CSMD2: variants seen among roughly 807,000 people sequenced by gnomAD.
The protein encoded by CSMD2 is CUB and sushi domain-containing protein 2.
In CSMD2, 130 loss-of-function variants were observed where a neutral mutation model predicts 398.5. That is an observed-to-expected ratio of 0.33 (90% confidence interval 0.28 to 0.38). The LOEUF is 0.38. Among genes scored for constraint, CSMD2 ranks in the 10% least tolerant of loss-of-function variants. The pLI, the probability that CSMD2 is intolerant of heterozygous loss-of-function variation, is 1.00. For missense variants in CSMD2, 3,829 were observed against 4,764.9 expected, an observed-to-expected ratio of 0.80 and a Z score of 5.78; for synonymous variants, 1,828 against 1,908.5, an observed-to-expected ratio of 0.96 and a Z score of 1.10.
At chr1:33,542,590 T>C in intron 58 of CSMD2, 130 bp downstream of exon 58, 1 of 752,410 alleles carries the variant, frequency 1.3e-6, no homozygotes, top group East Asian at 2.8e-5. Context: ...GCTATTCATA[T>C]GATTATCGTT....
chr1:33,679,139 T>C (rs986321682), intron 25 of CSMD2, among the ~76,000 whole-genome samples: 3 of 151,598 alleles, frequency 2.0e-5, no homozygotes, highest in Admixed American at 6.6e-5. Flanking sequence ...TTGGAAGAAA[T>C]GTTTCCATAA....
intron 5 of CSMD2, among the ~76,000 whole-genome samples, chr1:33,852,272 T>C (rs1028413347): frequency 6.6e-6 from 1 of 152,248 alleles, no homozygotes; most frequent in African/African-American, 2.4e-5. Context: ...CTCTGATCGA[T>C]CTTCCATACT....
chr1:33,581,901 G>A (rs1638755703), intron 47 of CSMD2, among the ~76,000 whole-genome samples: 1 of 152,162 alleles, frequency 6.6e-6, no homozygotes, highest in Non-Finnish European at 1.5e-5. Flanking sequence ...ATTAAACAAA[G>A]TAGAGTCACC....
At chr1:33,720,856 G>T (rs1016957516) in intron 19 of CSMD2, among the ~76,000 whole-genome samples, 1 of 151,918 alleles carries the variant, frequency 6.6e-6, no homozygotes, top group Non-Finnish European at 1.5e-5. Context: ...TGCCACCCCC[G>T]CCAAATAATT....
intron 2 of CSMD2, among the ~76,000 whole-genome samples, chr1:34,050,588 C>T (rs554180085): frequency 6.6e-4 from 100 of 152,270 alleles, no homozygotes; most frequent in Non-Finnish European, 1.1e-3. Flanking sequence ...TACCTTGCAG[C>T]GCTGGGACAA....
At position 33,541,277 on chromosome 1, in the gene CSMD2, T is replaced by C; in HGVS notation, c.9310A>G (p.Asn3104Asp). The stretch of plus-strand genomic sequence containing the variant: ...AAGTCATTGCCCAGCCGAAGGCCAT[T>C]GGCTGGAATCCCAGGGTCACCACAG... ...INCGDPGIPANGLRLGNDFRY... is the reference protein window; with the variant it reads ...INCGDPGIPADGLRLGNDFRY... The change falls in exon 59 of 71, where the codon AAT becomes GAT. Residue 3104 changes from asparagine (N) to aspartate (D), a missense_variant. This residue lies in a region of CSMD2 where 917 missense variants were observed against 1,199.5 expected (regional missense o/e 0.76). Transcript: ENST00000373381. The C allele has an allele frequency of 6.2e-7, 1 of 1,614,082 alleles. No individual in the cohort carries two copies. Among genetic ancestry groups the C allele is most frequent in the Non-Finnish European group, 8.5e-7 (1 of 1,179,968 alleles).
At chr1:33,925,231 G>A (rs895191886) in intron 4 of CSMD2, among the ~76,000 whole-genome samples, 2 of 152,114 alleles carry the variant, frequency 1.3e-5, no homozygotes, top group Non-Finnish European at 2.9e-5. Flanking sequence ...TTTGTATATG[G>A]TGAGAGATGG....
intron 62 of CSMD2, among the ~76,000 whole-genome samples, chr1:33,534,520 C>T (rs1448408060): frequency 6.6e-6 from 1 of 152,132 alleles, no homozygotes; most frequent in Non-Finnish European, 1.5e-5. Context: ...CTCCACCAGC[C>T]CCTCACTGTA....
At chr1:34,008,166 G>A (rs12085816) in intron 3 of CSMD2, among the ~76,000 whole-genome samples, 37,094 of 152,160 alleles carry the variant, frequency 0.24, 5,352 homozygotes, top group Non-Finnish European at 0.32. Flanking sequence ...TAAAACCACA[G>A]ACGTGCTCCA....
chr1:34,088,598 C>A (rs535204247), intron 2 of CSMD2, among the ~76,000 whole-genome samples: 7 of 152,360 alleles, frequency 4.6e-5, no homozygotes, highest in African/African-American at 1.7e-4. Context: ...GTTTCAAATA[C>A]TGTGACGCAA....
chr1:33,735,919 AG>A (rs1646871289), intron 15 of CSMD2, among the ~76,000 whole-genome samples: 1 of 152,328 alleles, frequency 6.6e-6, no homozygotes, highest in African/African-American at 2.4e-5. Flanking sequence ...GGAGCCAAGA[AG>A]GGACAGGTTC....
chr1:34,110,727 A>G (rs774522336), intron 1 of CSMD2, among the ~76,000 whole-genome samples: 2 of 152,110 alleles, frequency 1.3e-5, no homozygotes, highest in Non-Finnish European at 2.9e-5. Context: ...CGAGCAACAT[A>G]CACGAGGGAC....
At chr1:33,674,441 C>T (rs1358317468) in intron 25 of CSMD2, among the ~76,000 whole-genome samples, 1 of 152,084 alleles carries the variant, frequency 6.6e-6, no homozygotes, top group Non-Finnish European at 1.5e-5. Context: ...AATACAGGAG[C>T]ACCCAGATTC....
rs773320276 is a variant in CSMD2 at position 33,633,034 on chromosome 1, T to C, written c.5200+388A>G. On this transcript the variant is annotated intron_variant, in intron 32 of 70. Coordinates refer to ENST00000373381, the MANE Select transcript of CSMD2 (RefSeq NM_001281956.2). This position sits in a 1 kb window ranked among gnomAD's most constrained non-coding sequence, Gnocchi z 5.0. Reference sequence around the variant, plus strand: ...ATACAAAGACTGGAAGGAAATCCACTACATCTTGTCAGTGGCTCTTTCGGG... The same window carrying C: ...ATACAAAGACTGGAAGGAAATCCACCACATCTTGTCAGTGGCTCTTTCGGG... Among the ~76,000 whole-genome samples the C allele has an allele frequency of 1.7e-4, 26 of 152,248 alleles. No homozygotes were observed. The highest frequency in any genetic ancestry group is 3.1e-4 in the Non-Finnish European group (21 of 68,034).
chr1:34,037,373 G>A (rs188504719), intron 2 of CSMD2, among the ~76,000 whole-genome samples: 41 of 152,264 alleles, frequency 2.7e-4, no homozygotes, highest in African/African-American at 9.4e-4. Flanking sequence ...CAGGGCCCCC[G>A]TTAGCCTATT....
At chr1:33,812,781 A>G (rs965456061) in intron 9 of CSMD2, among the ~76,000 whole-genome samples, 1 of 152,220 alleles carries the variant, frequency 6.6e-6, no homozygotes, top group East Asian at 1.9e-4. Flanking sequence ...GATGTGGTCA[A>G]TATTCAACCT....
In CSMD2 at chr1:33,626,579, C is replaced by G; in HGVS notation, c.5203G>C (p.Glu1735Gln). The G allele has an allele frequency of 6.3e-7, 1 of 1,596,470 alleles. No homozygotes were observed. The highest frequency in any genetic ancestry group is 8.5e-7 in the Non-Finnish European group (1 of 1,171,878). ...LSSLSGSHTGESLPLATSNQV... is the reference protein window; with the variant it reads ...LSSLSGSHTGQSLPLATSNQV... ...TTGGAGGTGGCCAAGGGCAGTGATTCTCCTGCCGAGATAAGGGGCAAGGAG... is the reference window on the plus strand; with the variant it reads ...TTGGAGGTGGCCAAGGGCAGTGATTGTCCTGCCGAGATAAGGGGCAAGGAG... Residue 1735 changes from glutamate (E) to glutamine (Q), a missense_variant and splice_region_variant, in exon 33 of 71, where the codon GAA becomes CAA. By Grantham distance (29) the Glu-to-Gln change is conservative. This residue lies in a region of CSMD2 where 2,001 missense variants were observed against 2,567.1 expected (regional missense o/e 0.78). Coordinates refer to ENST00000373381, the MANE Select transcript of CSMD2 (RefSeq NM_001281956.2).
At chr1:34,035,667 T>C (rs1353457666) in intron 2 of CSMD2, among the ~76,000 whole-genome samples, 1 of 134,082 alleles carries the variant, frequency 7.5e-6, no homozygotes, top group Non-Finnish European at 1.6e-5. Flanking sequence ...CCGTTTGTAG[T>C]TAAACGAAAA....
chr1:33,897,261 C>T (rs1006370907), intron 5 of CSMD2, among the ~76,000 whole-genome samples: 7 of 152,086 alleles, frequency 4.6e-5, no homozygotes, highest in South Asian at 4.2e-4. Flanking sequence ...AGTCTACAAA[C>T]GCCGGCTCAG....
Sources: gnomAD v4.1 joint callset for allele counts (sites outside exome capture counted in the v4.1 genomes callset) on GRCh38, gnomAD v4.1.1 for gene constraint, gnomAD v4.1.1 regional missense constraint, Gnocchi (gnomAD v3.1) non-coding constraint, MANE v1.5 for transcripts, NCBI Gene and HGNC (gene_info 2026-07-23, HGNC 2026-07-21) for gene names.